The following CABCOCO1 variants were observed in gnomAD, a reference collection of about 807,000 sequenced individuals.
CABCOCO1 encodes the protein ciliary associated calcium binding coiled-coil 1, also known as ciliary-associated calcium-binding coiled-coil protein 1.
A neutral mutation model predicts 35.7 loss-of-function variants in CABCOCO1; 28 were observed. That is an observed-to-expected ratio of 0.78 (90% CI 0.58 to 1.07). The LOEUF is 1.07. Among genes scored for constraint, CABCOCO1 ranks in the 50% least tolerant of loss-of-function variants. The pLI, the probability that CABCOCO1 is intolerant of heterozygous loss-of-function variation, is 0.00. For synonymous variants in CABCOCO1, 95 were observed against 100.1 expected, an observed-to-expected ratio of 0.95 and a Z score of 0.30; for missense variants, 326 against 309.2, an observed-to-expected ratio of 1.05 and a Z score of -0.41.
At chr10:61,703,617 C>G (rs949651151) in intron 5 of CABCOCO1, among the ~76,000 whole-genome samples, 5 of 152,058 alleles carry the variant, frequency 3.3e-5, no homozygotes, top group African/African-American at 1.2e-4. Context: ...TGTAGACCAC[C>G]ATTGATGTGA....
At chr10:61,710,253 A>T (rs938715980) in intron 5 of CABCOCO1, among the ~76,000 whole-genome samples, 1 of 146,556 alleles carries the variant, frequency 6.8e-6, no homozygotes, top group East Asian at 2.0e-4. Flanking sequence ...TGTGTGTGTG[A>T]GTGTGTGTGT....
At chr10:61,713,495 G>T (rs911671897) in intron 5 of CABCOCO1, among the ~76,000 whole-genome samples, 3 of 151,204 alleles carry the variant, frequency 2.0e-5, no homozygotes, top group Non-Finnish European at 4.4e-5. Context: ...AATTGAATAC[G>T]CTTTATTTCT....
At chr10:61,678,310 TAA>T (rs1217814763) in intron 2 of CABCOCO1, among the ~76,000 whole-genome samples, 2 of 152,170 alleles carry the variant, frequency 1.3e-5, no homozygotes, top group Non-Finnish European at 2.9e-5. Context: ...GACTTTCACT[TAA>T]GAGTGAATGA....
intron 1 of CABCOCO1, among the ~76,000 whole-genome samples, chr10:61,666,654 AAGTTT>A (rs1243664737): frequency 2.0e-5 from 3 of 152,040 alleles, no homozygotes; most frequent in African/African-American, 7.2e-5. Context: ...CTAATATTTA[AAGTTT>A]TATTTTACTA....
intron 5 of CABCOCO1, among the ~76,000 whole-genome samples, chr10:61,724,368 G>T (rs1224939465): frequency 1.3e-5 from 2 of 152,132 alleles, no homozygotes; most frequent in Non-Finnish European, 2.9e-5. Context: ...TAAACATGAT[G>T]TAATAAAGAA....
chr10:61,713,867 A>T (rs570780119), intron 5 of CABCOCO1, among the ~76,000 whole-genome samples: 2 of 152,256 alleles, frequency 1.3e-5, no homozygotes, highest in African/African-American at 4.8e-5. Context: ...AGCCAACCTG[A>T]TCGTGGTGGA....
chr10:61,688,431 T>C (rs780762637), intron 4 of CABCOCO1, among the ~76,000 whole-genome samples: 1 of 152,208 alleles, frequency 6.6e-6, no homozygotes, highest in African/African-American at 2.4e-5. Flanking sequence ...TGTCTGTGAT[T>C]TGAAAAAAAC....
chr10:61,750,907 C>T (rs763683537), intron 5 of CABCOCO1, among the ~76,000 whole-genome samples: 15 of 152,184 alleles, frequency 9.9e-5, no homozygotes, highest in Non-Finnish European at 1.3e-4. Context: ...ATGAATATGA[C>T]GTGCCCCACG....
At chr10:61,705,410 C>T (rs1482050750) in intron 5 of CABCOCO1, among the ~76,000 whole-genome samples, 20 of 152,152 alleles carry the variant, frequency 1.3e-4, no homozygotes, top group Admixed American at 1.3e-3. Context: ...GTATGCCTAC[C>T]AGCATTCCCA....
chr10:61,730,034 T>C (rs1313419530), intron 5 of CABCOCO1, among the ~76,000 whole-genome samples: 13 of 152,104 alleles, frequency 8.5e-5, no homozygotes, highest in Admixed American at 6.6e-4. Context: ...TAATGATGTA[T>C]TGTAGACTTA....
chr10:61,687,122 G>A (rs1320898920), intron 4 of CABCOCO1, among the ~76,000 whole-genome samples: 1 of 152,150 alleles, frequency 6.6e-6, no homozygotes, highest in African/African-American at 2.4e-5. Flanking sequence ...GGTTTAATAT[G>A]ATAAAGTTTA....
chr10:61,678,911 C>T (rs1023291185), intron 2 of CABCOCO1, among the ~76,000 whole-genome samples: 14 of 152,190 alleles, frequency 9.2e-5, no homozygotes, highest in Middle Eastern at 6.8e-3. Context: ...CAGGTCTACC[C>T]TGACACCACT....
At chr10:61,677,065 AAAAAATAAT>A (rs1274637637) in intron 2 of CABCOCO1, among the ~76,000 whole-genome samples, 1 of 137,162 alleles carries the variant, frequency 7.3e-6, no homozygotes, top group Non-Finnish European at 1.6e-5. Context: ...ACTCTGTCTC[AAAAAATAAT>A]AATAATAATA....
chr10:61,678,182 T>C (rs570122490), intron 2 of CABCOCO1, among the ~76,000 whole-genome samples: 66 of 152,284 alleles, frequency 4.3e-4, no homozygotes, highest in Middle Eastern at 3.4e-3. Flanking sequence ...ACCTCTGCCA[T>C]ATACCAGGCT....
At chr10:61,727,949 G>C (rs1841199015) in intron 5 of CABCOCO1, among the ~76,000 whole-genome samples, 1 of 152,140 alleles carries the variant, frequency 6.6e-6, no homozygotes, top group Non-Finnish European at 1.5e-5. Flanking sequence ...AAGGCAAAGT[G>C]TTTTATCAAT....
intron 2 of CABCOCO1, among the ~76,000 whole-genome samples, chr10:61,679,924 A>G (rs1839656231): frequency 6.6e-6 from 1 of 152,194 alleles, no homozygotes; most frequent in South Asian, 2.1e-4. Flanking sequence ...CAAAATGAAA[A>G]GAAAATAGAC....
intron 5 of CABCOCO1, among the ~76,000 whole-genome samples, chr10:61,726,944 T>C (rs965909767): frequency 4.6e-5 from 7 of 150,660 alleles, no homozygotes; most frequent in Middle Eastern, 3.5e-3. Flanking sequence ...ACACCTGTAA[T>C]TCCAGCTCTA....
intron 5 of CABCOCO1, among the ~76,000 whole-genome samples, chr10:61,712,405 C>A (rs1037071982): frequency 6.6e-6 from 1 of 152,044 alleles, no homozygotes; most frequent in African/African-American, 2.4e-5. Context: ...TGGATATTAG[C>A]CCTTTGGCAG....
intron 5 of CABCOCO1, among the ~76,000 whole-genome samples, chr10:61,750,675 T>C (rs1419087666): frequency 6.6e-6 from 1 of 152,236 alleles, no homozygotes; most frequent in African/African-American, 2.4e-5. Context: ...GCTCCATTGA[T>C]ATGAAATACA....
Sources: allele counts gnomAD v4.1 joint callset (sites outside exome capture counted in the v4.1 genomes callset), GRCh38; gene constraint gnomAD v4.1.1; transcripts MANE v1.5; gene names NCBI Gene and HGNC (gene_info 2026-07-23, HGNC 2026-07-21).